Variants in DDX19A observed in about 807,000 individuals in gnomAD.
DDX19A encodes DEAD-box helicase 19A.
DDX19A carries 12 observed loss-of-function variants against 60.6 expected under a neutral mutation model. That is an observed-to-expected ratio of 0.20 (90% CI 0.13 to 0.32). DDX19A has a LOEUF of 0.32. Ranked by LOEUF, DDX19A falls within the 10% of genes least tolerant of loss-of-function variation. DDX19A has a pLI of 1.00. For missense variants in DDX19A, 337 were observed against 600.6 expected, an observed-to-expected ratio of 0.56 and a Z score of 4.59; for synonymous variants, 206 against 218.2, an observed-to-expected ratio of 0.94 and a Z score of 0.49.
intron 7 of DDX19A, chr16:70,365,385 C>T (rs1195218197): frequency 1.5e-5 from 4 of 271,186 alleles, no homozygotes; most frequent in African/African-American, 2.2e-5. Context: ...TAGAGTTCTT[C>T]GCTCAGAAGG....
chr16:70,362,341 A>C (rs1490672506), intron 5 of DDX19A, among the ~76,000 whole-genome samples: 3 of 133,924 alleles, frequency 2.2e-5, no homozygotes, highest in Non-Finnish European at 4.8e-5. Flanking sequence ...ACTCTGTCTC[A>C]AAAAAAAAAA....
At position 70,355,477 on chromosome 16, in the gene DDX19A, T is replaced by A. The variant is rs779059791; in HGVS notation, c.107-8T>A. 1.2e-6 allele frequency: 2 copies of A among 1,610,916 alleles called. No individual in the cohort carries two copies. The highest frequency in any genetic ancestry group is 2.2e-5 in the South Asian group (2 of 90,988). On this transcript the variant is annotated splice_region_variant and splice_polypyrimidine_tract_variant and intron_variant, in intron 2 of 11. Transcript: ENST00000302243. ...CTTTCTAATTATGACAATTGTTTTC[T>A]TGTGTAGGTATTATCAAAACCAGTA...
rs1248365917 is a variant in DDX19A at position 70,357,362 on chromosome 16, G to GTTTTTTTTTTTTT, written c.293+1118_293+1119insTTTTTTTTTTTTT. 1.6e-4 allele frequency among the ~76,000 whole-genome samples: 8 copies of GTTTTTTTTTTTTT among 48,862 alleles called. 1 individual carries two copies. In the East Asian group the frequency reaches 2.0e-3, roughly 12 times the overall value. 32.1% of individuals were successfully genotyped at this position (48,862 alleles called of 152,430 possible). Reference sequence around the variant, plus strand: ...AAAAAATCTGTCAAATCTGTTTTTGGTTTGTTTTTTTTTTTTTTTTTTTTT... The same window carrying GTTTTTTTTTTTTT: ...AAAAAATCTGTCAAATCTGTTTTTGGTTTTTTTTTTTTTTTTGTTTTTTTTTTTTTTTTTTTTT... On this transcript the variant is annotated intron_variant, in intron 4 of 11. Transcript: ENST00000302243.
chr16:70,351,552 TCTCA>T (rs1349557936), intron 2 of DDX19A, among the ~76,000 whole-genome samples: 1 of 151,788 alleles, frequency 6.6e-6, no homozygotes, highest in Non-Finnish European at 1.5e-5. Context: ...TTTGAGACAG[TCTCA>T]CTCTGCCACG....
At chr16:70,362,603 G>T (rs1381426114) in intron 5 of DDX19A, among the ~76,000 whole-genome samples, 2 of 151,882 alleles carry the variant, frequency 1.3e-5, no homozygotes, top group African/African-American at 4.8e-5. Context: ...TTTGAGACAG[G>T]GTCTCATTCT....
rs925663146 is a variant in DDX19A at position 70,372,856 on chromosome 16, A to G, written c.*870A>G. ...GCCGAGAGCTGAGCAAGAATTTGGA[A>G]TGGAAGTTATGACCAAGGGAATTAT... On this transcript the variant is annotated 3_prime_UTR_variant, in exon 12 of 12. Coordinates refer to ENST00000302243, the MANE Select transcript of DDX19A (RefSeq NM_018332.5). 1 of 152,228 alleles carries G rather than the reference A, an allele frequency of 6.6e-6. No homozygotes were observed. The highest frequency in any genetic ancestry group is 6.6e-5 in the Admixed American group (1 of 15,266). 9.4% of individuals were successfully genotyped at this position (152,228 alleles called of 1,614,324 possible).
chr16:70,361,968 C>T (rs577665124), intron 5 of DDX19A, among the ~76,000 whole-genome samples: 1 of 151,290 alleles, frequency 6.6e-6, no homozygotes, highest in Non-Finnish European at 1.5e-5. Flanking sequence ...CTCAGTAATT[C>T]GAGACCAGCC....
In DDX19A at chr16:70,356,819, A is replaced by G. The variant is rs577355727; in HGVS notation, c.293+572A>G. On this transcript the variant is annotated intron_variant, in intron 4 of 11. Transcript: ENST00000302243. Reference sequence around the variant, plus strand: ...GCTTCAAATTGATTTATCATAGCTAAAAGTCTTATTTCTCTTATACTCTTA... The same window carrying G: ...GCTTCAAATTGATTTATCATAGCTAGAAGTCTTATTTCTCTTATACTCTTA... 3 of 1,155,528 alleles carry G rather than the reference A, an allele frequency of 2.6e-6. No individual in the cohort carries two copies. In the Middle Eastern group the frequency reaches 7.4e-4, roughly 285 times the overall value. The allele number at this position is 1,155,528 out of a possible 1,614,324, so 71.6% of individuals were successfully genotyped here.
At chr16:70,349,039 A>G (rs1963935703) in intron 1 of DDX19A, among the ~76,000 whole-genome samples, 1 of 152,218 alleles carries the variant, frequency 6.6e-6, no homozygotes, top group South Asian at 2.1e-4. Context: ...GGAGTCCCCA[A>G]GAGATGCCAG....
chr16:70,368,540 G>A (rs1964585062), intron 9 of DDX19A, among the ~76,000 whole-genome samples: 1 of 151,818 alleles, frequency 6.6e-6, no homozygotes, highest in Admixed American at 6.6e-5. Context: ...CAAAGTACTG[G>A]GATTACAGGC....
intron 5 of DDX19A, 119 bp downstream of exon 5, chr16:70,361,629 C>T (rs940734790): frequency 5.7e-6 from 4 of 700,878 alleles, no homozygotes; most frequent in African/African-American, 5.3e-5. Context: ...CTCAGGAATA[C>T]AGCTTAGGCA....
At chr16:70,351,825 G>A (rs933521389) in intron 2 of DDX19A, among the ~76,000 whole-genome samples, 1 of 152,050 alleles carries the variant, frequency 6.6e-6, no homozygotes, top group Admixed American at 6.6e-5. Flanking sequence ...ACCACGCCCG[G>A]CCAATTTTAT....
intron 4 of DDX19A, among the ~76,000 whole-genome samples, chr16:70,357,221 T>C (rs1473406973): frequency 6.9e-6 from 1 of 145,244 alleles, no homozygotes; most frequent in Admixed American, 6.9e-5. Flanking sequence ...TTCGTGCCAC[T>C]GCACTCCAGC....
At chr16:70,348,290 A>G (rs1427490968) in intron 1 of DDX19A, among the ~76,000 whole-genome samples, 11 of 152,110 alleles carry the variant, frequency 7.2e-5, no homozygotes, top group Admixed American at 5.9e-4. Context: ...TAACGTCCCA[A>G]TAACAGGAAT....
rs183877766 is a variant in DDX19A at position 70,351,626 on chromosome 16, G to T, written c.106+1021G>T. Among the ~76,000 whole-genome samples, 973 of 151,840 alleles carry T rather than the reference G, an allele frequency of 6.4e-3. 3 individuals are homozygous for T. Among genetic ancestry groups the T allele is most frequent in the Non-Finnish European group, 0.011 (757 of 67,970 alleles). ...TGCAAGCTCCGCCTCCCAGGTTCAC[G>T]CCATTCTTGTGCCTCAGCCTCCCAA... On this transcript the variant is annotated intron_variant, in intron 2 of 11. Transcript: ENST00000302243.
chr16:70,364,119 C>T (rs570068299), intron 5 of DDX19A: 63 of 156,610 alleles, frequency 4.0e-4, no homozygotes, highest in Non-Finnish European at 3.4e-4. Flanking sequence ...AAACATCCAC[C>T]TGACTTAGCA....
chr16:70,371,200 C>A, intron 10 of DDX19A, 172 bp from the exon 11 acceptor site: 1 of 1,146,916 alleles, frequency 8.7e-7, no homozygotes, highest in Non-Finnish European at 1.2e-6. Context: ...TCTTCTTTTC[C>A]TCTGGGTTCT....
chr16:70,368,081 G>A (rs1964572535), intron 9 of DDX19A, among the ~76,000 whole-genome samples: 1 of 152,202 alleles, frequency 6.6e-6, no homozygotes, highest in Admixed American at 6.5e-5. Flanking sequence ...GAAGACTGAG[G>A]TGGGAGGATC....
At chr16:70,353,911 A>AG (rs2151631387) in intron 2 of DDX19A, among the ~76,000 whole-genome samples, 1 of 151,684 alleles carries the variant, frequency 6.6e-6, no homozygotes, top group East Asian at 1.9e-4. Context: ...AAAAAAAAAA[A>AG]AAAAAAACAC....
Sources: allele counts gnomAD v4.1 joint callset (sites outside exome capture counted in the v4.1 genomes callset), GRCh38; gene constraint gnomAD v4.1.1; transcripts MANE v1.5; gene names NCBI Gene and HGNC (gene_info 2026-07-23, HGNC 2026-07-21).